Variants in CCDC50 observed in about 807,000 individuals in gnomAD.
The protein encoded by CCDC50 is coiled-coil domain-containing protein 50.
CCDC50 carries 54 observed loss-of-function variants against 70.2 expected under a neutral mutation model. That is an observed-to-expected ratio of 0.77 (90% CI 0.62 to 0.96). The LOEUF is 0.96. Among genes scored for constraint, CCDC50 ranks in the 50% least tolerant of loss-of-function variants. The pLI is 0.00. For synonymous variants in CCDC50, 216 were observed against 198.8 expected, an observed-to-expected ratio of 1.09 and a Z score of -0.73; for missense variants, 558 against 578.7, an observed-to-expected ratio of 0.96 and a Z score of 0.37.
rs1238322714 is a variant in CCDC50, at chr3:191,391,721, T to G, written c.1430-20T>G. 1 of 1,611,304 alleles carries G rather than the reference T, an allele frequency of 6.2e-7. No homozygotes were observed. Among genetic ancestry groups the G allele is most frequent in the Admixed American group, 1.7e-5 (1 of 59,950 alleles). ...AAGGTTTTTCCTTAATTGTGTTTCC[T>G]TTTTTCTTCCCCTCCCCAGGTTTTC... On this transcript the variant is annotated intron_variant, in intron 11 of 11. Coordinates refer to ENST00000392455, the MANE Select transcript of CCDC50 (RefSeq NM_178335.3).
rs566216216 is a variant in CCDC50, at chr3:191,352,794, G to A, written c.50-4294G>A. Among the ~76,000 whole-genome samples the A allele has an allele frequency of 1.5e-3, 217 of 141,704 alleles. 26 individuals carry two copies. The highest frequency in any genetic ancestry group is 2.8e-3 in the Non-Finnish European group (179 of 62,912). 93.0% of individuals were successfully genotyped at this position (141,704 alleles called of 152,430 possible). A position where few individuals can be genotyped will look rare whatever the true frequency, so the allele number is the denominator to read the frequency against. ...ATTAACATATTGAAACTCCTTTAAT[G>A]AGAATGGGGATAGGGTTCTAGTTTT... On this transcript the variant is annotated intron_variant, in intron 1 of 11. Transcript: ENST00000392455.
At chr3:191,336,629 A>T (rs1003409427) in intron 1 of CCDC50, among the ~76,000 whole-genome samples, 5 of 152,178 alleles carry the variant, frequency 3.3e-5, no homozygotes, top group African/African-American at 1.2e-4. Flanking sequence ...TATCAGAATG[A>T]TATGGGGATC....
At chr3:191,329,793 G>C (rs1290050266) in intron 1 of CCDC50, 70 bp downstream of exon 1, 3 of 1,532,266 alleles carry the variant, frequency 2.0e-6, no homozygotes, top group Non-Finnish European at 2.7e-6. Flanking sequence ...CAGGTCAGGG[G>C]CGTTGCCATT....
At chr3:191,338,690 G>A (rs1263208744) in intron 1 of CCDC50, among the ~76,000 whole-genome samples, 5 of 152,108 alleles carry the variant, frequency 3.3e-5, no homozygotes, top group African/African-American at 2.4e-5. Context: ...CCCCATTGAA[G>A]CTCCATAGAG....
chr3:191,382,878 G>A, intron 10 of CCDC50, 53 bp downstream of exon 10: 1 of 1,289,804 alleles, frequency 7.8e-7, no homozygotes, highest in Non-Finnish European at 1.1e-6. Flanking sequence ...GGGTGAATAA[G>A]GAGATTTCAG....
chr3:191,355,064 T>C (rs1711504331), intron 1 of CCDC50, among the ~76,000 whole-genome samples: 2 of 152,174 alleles, frequency 1.3e-5, no homozygotes, highest in Non-Finnish European at 2.9e-5. Context: ...TCTGTTATTC[T>C]CTAGACTATT....
Position 191,396,024 on chromosome 3 carries a change from A to G in CCDC50, c.*4264A>G, listed in dbSNP as rs184720533. 6.6e-6 allele frequency: 1 copy of G among 152,348 alleles called. No individual in the cohort carries two copies. The highest frequency in any genetic ancestry group is 6.5e-5 in the Admixed American group (1 of 15,302). 9.4% of individuals were successfully genotyped at this position (152,348 alleles called of 1,614,324 possible). ...ATTGGTGGAAGAATCTCTTTTATCCATGGCGAGAGGTAAGAATATTAAAGA... is the reference window on the plus strand; with the variant it reads ...ATTGGTGGAAGAATCTCTTTTATCCGTGGCGAGAGGTAAGAATATTAAAGA... On this transcript the variant is annotated 3_prime_UTR_variant, in exon 12 of 12. Transcript: ENST00000392455.
chr3:191,386,786 CTA>C (rs910909946), intron 10 of CCDC50, among the ~76,000 whole-genome samples: 1 of 152,148 alleles, frequency 6.6e-6, no homozygotes, highest in African/African-American at 2.4e-5. Context: ...TGAAAGATCT[CTA>C]TGAGGAGAAC....
intron 10 of CCDC50, among the ~76,000 whole-genome samples, chr3:191,387,600 A>G (rs970516986): frequency 1.0e-4 from 15 of 148,880 alleles, no homozygotes; most frequent in Non-Finnish European, 1.5e-5. Flanking sequence ...ATTGCTCTTA[A>G]GAAGTACTCT....
At chr3:191,378,464 A>G (rs1260358580) in intron 6 of CCDC50, among the ~76,000 whole-genome samples, 1 of 152,110 alleles carries the variant, frequency 6.6e-6, no homozygotes, top group African/African-American at 2.4e-5. Context: ...CCACTGTATT[A>G]TTTCACTGTA....
chr3:191,336,132 G>GTT (rs879774558), intron 1 of CCDC50, among the ~76,000 whole-genome samples: 7 of 137,190 alleles, frequency 5.1e-5, no homozygotes, highest in African/African-American at 8.0e-5. Context: ...GTGTACAAGT[G>GTT]TTTTTTTTTT....
At chr3:191,385,248 A>G (rs755424098) in intron 10 of CCDC50, among the ~76,000 whole-genome samples, 2 of 152,224 alleles carry the variant, frequency 1.3e-5, no homozygotes, top group Non-Finnish European at 2.9e-5. Flanking sequence ...ACCGCTTTCC[A>G]GAGGGATTGA....
intron 1 of CCDC50, among the ~76,000 whole-genome samples, chr3:191,341,041 A>G (rs934625011): frequency 6.6e-6 from 1 of 151,050 alleles, no homozygotes; most frequent in Non-Finnish European, 1.5e-5. Context: ...GCCCAGGCTG[A>G]TCTTGAACTC....
rs575503166 is a variant in CCDC50 at position 191,364,656 on chromosome 3, G to A, written c.330+3497G>A. On this transcript the variant is annotated intron_variant, in intron 4 of 11. Coordinates refer to ENST00000392455, the MANE Select transcript of CCDC50 (RefSeq NM_178335.3). ...ATGTGGTGGAGTTATACAACCTTGC[G>A]TGTATAAATTAGCAGTTCTAGCTTT... 8.6e-5 allele frequency among the ~76,000 whole-genome samples: 13 copies of A among 151,588 alleles called. No homozygotes were observed. The South Asian group carries it at 2.5e-3, about 29-fold the overall frequency.
chr3:191,382,811 T>A lies in CCDC50; in HGVS notation c.1308T>A (p.Asn436Lys), dbSNP rs1713366283. 6.2e-7 allele frequency: 1 copy of A among 1,612,222 alleles called. No homozygotes were observed. Among genetic ancestry groups the A allele is most frequent in the Non-Finnish European group, 8.5e-7 (1 of 1,178,514 alleles). The change falls in exon 10 of 12, where the codon AAT (asparagine) becomes AAA (lysine). Residue 436 changes from asparagine to lysine, a missense_variant. Physicochemically the swap from Asn to Lys is moderately conservative, Grantham distance 94 (BLOSUM62 0). Transcript: ENST00000392455. ...KESDEPHHSK[N>K]ERPARPPPPI... ...GTGATGAACCTCACCATTCTAAGAATGAAAGGCCAGCACGGTAAGCTGACA... is the reference window on the plus strand; with the variant it reads ...GTGATGAACCTCACCATTCTAAGAAAGAAAGGCCAGCACGGTAAGCTGACA...
rs919720379 is a variant in CCDC50 at position 191,382,895 on chromosome 3, A to G, written c.1322+70A>G. 9.7e-6 allele frequency: 11 copies of G among 1,128,800 alleles called. No homozygotes were observed. The African/African-American group carries it at 1.6e-4, about 16-fold the overall frequency. 69.9% of individuals were successfully genotyped at this position (1,128,800 alleles called of 1,614,324 possible). A position where few individuals can be genotyped will look rare whatever the true frequency, so the allele number is the denominator to read the frequency against. Reference sequence around the variant, plus strand: ...GTGAATAAGGAGATTTCAGTTCCCTAAGAAGAGTGTATGTTTTTTGGAGAG... The same window carrying G: ...GTGAATAAGGAGATTTCAGTTCCCTGAGAAGAGTGTATGTTTTTTGGAGAG... On this transcript the variant is annotated intron_variant, in intron 10 of 11. Transcript: ENST00000392455.
chr3:191,363,741 A>C (rs975555470), intron 4 of CCDC50, among the ~76,000 whole-genome samples: 1 of 152,202 alleles, frequency 6.6e-6, no homozygotes, highest in Non-Finnish European at 1.5e-5. Flanking sequence ...TGAGAAATCC[A>C]GTTGTATAGG....
At chr3:191,385,126 G>C (rs968502770) in intron 10 of CCDC50, among the ~76,000 whole-genome samples, 2 of 152,240 alleles carry the variant, frequency 1.3e-5, no homozygotes, top group East Asian at 1.9e-4. Flanking sequence ...ATGAACATAC[G>C]AGTTCATGTG....
At chr3:191,341,767 AG>A (rs1438702589) in intron 1 of CCDC50, among the ~76,000 whole-genome samples, 3 of 152,248 alleles carry the variant, frequency 2.0e-5, no homozygotes, top group Non-Finnish European at 4.4e-5. Context: ...GGAGAGCCAA[AG>A]GGTTGACAGA....
Sources: gnomAD v4.1 joint callset for allele counts (sites outside exome capture counted in the v4.1 genomes callset) on GRCh38, gnomAD v4.1.1 for gene constraint, MANE v1.5 for transcripts, NCBI Gene and HGNC (gene_info 2026-07-23, HGNC 2026-07-21) for gene names.